The following DHRS3 variants were observed in gnomAD, a reference collection of about 807,000 sequenced individuals.
DHRS3 encodes the protein dehydrogenase/reductase 3.
Under a neutral mutation model 27.2 loss-of-function variants are expected in DHRS3, and 14 were observed. The observed-to-expected ratio is 0.52, with a 90% CI of 0.34 to 0.81. DHRS3 has a LOEUF of 0.81. Ranked by LOEUF, DHRS3 falls within the 30% of genes least tolerant of loss-of-function variation. DHRS3 has a pLI of 0.01. For missense variants in DHRS3, 322 were observed against 406.2 expected (o/e 0.79, Z 1.78); for synonymous variants, 165 against 175.9 (o/e 0.94, Z 0.49).
intron 5 of DHRS3, among the ~76,000 whole-genome samples, chr1:12,570,568 G>C (rs908975851): frequency 6.6e-6 from 1 of 152,236 alleles, no homozygotes; most frequent in Non-Finnish European, 1.5e-5. Context: ...GGGGAGCGGG[G>C]TGGCTCCTGC....
intron 1 of DHRS3, among the ~76,000 whole-genome samples, chr1:12,582,366 C>T (rs1264792699): frequency 3.9e-5 from 6 of 152,166 alleles, no homozygotes; most frequent in Non-Finnish European, 8.8e-5. Flanking sequence ...TAAGTGTTCT[C>T]TAAAGCCCAG....
intron 1 of DHRS3, 25 bp from the exon 2 acceptor site, chr1:12,580,691 G>A (rs760147258): frequency 1.9e-6 from 3 of 1,596,814 alleles, no homozygotes; most frequent in Non-Finnish European, 2.6e-6. Flanking sequence ...TAACAACGCA[G>A]AACAAATGGT....
chr1:12,601,809 TAAG>T (rs544338451), intron 1 of DHRS3, among the ~76,000 whole-genome samples: 96 of 152,264 alleles, frequency 6.3e-4, no homozygotes, highest in Non-Finnish European at 9.6e-4. Context: ...GTCCTGTTGG[TAAG>T]AAGAAGATGA....
chr1:12,569,072 G>T (rs907752714), intron 5 of DHRS3, among the ~76,000 whole-genome samples: 2 of 152,038 alleles, frequency 1.3e-5, no homozygotes, highest in Non-Finnish European at 2.9e-5. Context: ...ACAAAAATTA[G>T]CTGGGCGTGG....
intron 1 of DHRS3, chr1:12,616,622 A>G (rs2100733942): frequency 2.0e-6 from 2 of 988,186 alleles, no homozygotes; most frequent in East Asian, 1.1e-4. Flanking sequence ...CGGCCAGACT[A>G]CTGCATACAA....
chr1:12,586,810 C>A lies in DHRS3; in HGVS notation c.196-6144G>T, dbSNP rs1646700383. ...TCCACAGGCTGTGGGGATTGCACCA[C>A]CACTCACTGTCCTGTAAGAGAAAGC... On this transcript the variant is annotated intron_variant, in intron 1 of 5. Coordinates refer to ENST00000616661, the MANE Select transcript of DHRS3 (RefSeq NM_004753.7). The surrounding 1 kb of genome is among the most constrained non-coding windows in gnomAD (Gnocchi z 5.0). Among the ~76,000 whole-genome samples, 2 of 151,906 alleles carry A rather than the reference C, an allele frequency of 1.3e-5. No homozygotes were observed. The highest frequency in any genetic ancestry group is 4.1e-4 in the South Asian group (2 of 4,824).
chr1:12,605,021 A>C (rs1418487866), intron 1 of DHRS3, among the ~76,000 whole-genome samples: 1 of 151,468 alleles, frequency 6.6e-6, no homozygotes, highest in African/African-American at 2.4e-5. Flanking sequence ...TGGAGGTTGC[A>C]ATGAACCGAG....
chr1:12,573,537 T>G (rs1646558191), intron 4 of DHRS3, among the ~76,000 whole-genome samples: 1 of 152,344 alleles, frequency 6.6e-6, no homozygotes, highest in East Asian at 1.9e-4. Flanking sequence ...CAATAAATAC[T>G]TGAAGGACTG....
At chr1:12,582,005 C>T (rs1050621950) in intron 1 of DHRS3, among the ~76,000 whole-genome samples, 28 of 152,306 alleles carry the variant, frequency 1.8e-4, no homozygotes, top group Admixed American at 5.2e-4. Context: ...CACCTGACTC[C>T]ATAATATTTT....
chr1:12,615,859 C>T (rs1009096298), intron 1 of DHRS3, among the ~76,000 whole-genome samples: 2 of 152,178 alleles, frequency 1.3e-5, no homozygotes, highest in African/African-American at 4.8e-5. Context: ...CCCAACTCCC[C>T]CTCCAAATGC....
At chr1:12,568,479 G>GACCCA in intron 5 of DHRS3, 55 bp from the exon 6 acceptor site, 1 of 1,571,068 alleles carries the variant, frequency 6.4e-7, no homozygotes, top group Non-Finnish European at 8.8e-7. Flanking sequence ...AGGATCCAGG[G>GACCCA]GCTGGGTCGC....
chr1:12,604,087 C>T (rs1400141623), intron 1 of DHRS3, among the ~76,000 whole-genome samples: 6 of 152,200 alleles, frequency 3.9e-5, no homozygotes, highest in Admixed American at 2.0e-4. Flanking sequence ...CACCTTCTTC[C>T]TGGGATAGAG....
intron 1 of DHRS3, among the ~76,000 whole-genome samples, chr1:12,590,620 A>G (rs1305796313): frequency 6.6e-6 from 1 of 152,046 alleles, no homozygotes; most frequent in African/African-American, 2.4e-5. Flanking sequence ...TAGAATAGTC[A>G]TTTCTACAAA....
intron 1 of DHRS3, 33 bp downstream of exon 1, chr1:12,617,121 C>G (rs749210923): frequency 1.8e-4 from 286 of 1,588,686 alleles, no homozygotes; most frequent in Admixed American, 9.2e-4. Flanking sequence ...GCCCCTGCGG[C>G]CCCCCACTCC....
At position 12,568,331 on chromosome 1, in the gene DHRS3, A is replaced by G. The variant is rs768232691; in HGVS notation, c.*9T>C. 2.5e-6 allele frequency: 4 copies of G among 1,613,240 alleles called. No individual in the cohort carries two copies. Among genetic ancestry groups the G allele is most frequent in the East Asian group, 2.2e-5 (1 of 44,886 alleles). On this transcript the variant is annotated 3_prime_UTR_variant, in exon 6 of 6. Transcript: ENST00000616661. ...TCCGTGGCTCCTCAAGCATGTCTTC[A>G]TCCTGTCTCTATGTCCGCCCTTTGA...
In DHRS3 at chr1:12,572,804, T is replaced by C. The variant is rs758057236; in HGVS notation, c.748A>G (p.Thr250Ala). ...PLKPETVARR[T>A]VEAVQLNQAL... ...TGGTTGAGCTGCACAGCTTCCACTG[T>C]CCTCCGGGCCACCGTCTCCGGCTTC... is the stretch of plus-strand genomic sequence containing the variant. Residue 250 changes from threonine to alanine, a missense_variant, in exon 5 of 6, where the codon ACA (threonine) becomes GCA (alanine). Thr to Ala is a moderately conservative substitution (Grantham distance 58). Coordinates refer to ENST00000616661, the MANE Select transcript of DHRS3 (RefSeq NM_004753.7). 1.2e-6 allele frequency: 2 copies of C among 1,611,436 alleles called. No homozygotes were observed. Among genetic ancestry groups the C allele is most frequent in the Non-Finnish European group, 1.7e-6 (2 of 1,179,030 alleles).
At chr1:12,582,090 A>G (rs147014540) in intron 1 of DHRS3, among the ~76,000 whole-genome samples, 1 of 152,338 alleles carries the variant, frequency 6.6e-6, no homozygotes, top group Non-Finnish European at 1.5e-5. Flanking sequence ...GGGGTTACAG[A>G]TGGCGGCTCC....
At chr1:12,572,400 G>T (rs1455262261) in intron 5 of DHRS3, among the ~76,000 whole-genome samples, 2 of 152,046 alleles carry the variant, frequency 1.3e-5, no homozygotes, top group African/African-American at 2.4e-5. Flanking sequence ...TCAATCTCTT[G>T]ACCTCGTGAT....
chr1:12,601,923 A>G (rs1646838401), intron 1 of DHRS3, among the ~76,000 whole-genome samples: 1 of 152,176 alleles, frequency 6.6e-6, no homozygotes, highest in Non-Finnish European at 1.5e-5. Context: ...CTCAGTAATC[A>G]CTGGCTCTAA....
Sources: gnomAD v4.1 joint callset for allele counts (sites outside exome capture counted in the v4.1 genomes callset) on GRCh38, gnomAD v4.1.1 for gene constraint, Gnocchi (gnomAD v3.1) non-coding constraint, MANE v1.5 for transcripts, NCBI Gene and HGNC (gene_info 2026-07-23, HGNC 2026-07-21) for gene names.